CREB3L2: variants seen among roughly 807,000 people sequenced by gnomAD.
CREB3L2 encodes cyclic AMP-responsive element-binding protein 3-like protein 2.
Under a neutral mutation model 57.2 loss-of-function variants are expected in CREB3L2, and 23 were observed. The observed-to-expected ratio is 0.40, with a 90% confidence interval of 0.29 to 0.57. CREB3L2 has a LOEUF of 0.57. Ranked by LOEUF, CREB3L2 falls within the 20% of genes least tolerant of loss-of-function variation. The pLI is 0.42. For missense variants in CREB3L2, 628 were observed against 634.7 expected, an observed-to-expected ratio of 0.99 and a Z score of 0.11; for synonymous variants, 268 against 265.1, an observed-to-expected ratio of 1.01 and a Z score of -0.11.
At chr7:137,883,117 G>C (rs1373871614) in intron 10 of CREB3L2, among the ~76,000 whole-genome samples, 1 of 152,220 alleles carries the variant, frequency 6.6e-6, no homozygotes, top group Non-Finnish European at 1.5e-5. Context: ...AATCTCCTTT[G>C]TTTTGTAGGA....
chr7:137,989,432 G>T (rs10230099), intron 1 of CREB3L2, among the ~76,000 whole-genome samples: 16 of 106,010 alleles, frequency 1.5e-4, no homozygotes, highest in South Asian at 9.8e-4. Context: ...CTTTTCTCCA[G>T]TTTTTTTTTT....
chr7:137,953,949 G>C (rs1801157064), intron 1 of CREB3L2, among the ~76,000 whole-genome samples: 1 of 152,202 alleles, frequency 6.6e-6, no homozygotes, highest in Non-Finnish European at 1.5e-5. Flanking sequence ...GGGTGTGTGA[G>C]CTGTAAACCT....
intron 1 of CREB3L2, among the ~76,000 whole-genome samples, chr7:137,982,733 C>A (rs759372615): frequency 2.0e-5 from 3 of 152,156 alleles, no homozygotes; most frequent in Non-Finnish European, 4.4e-5. Flanking sequence ...ATGTCTTTAT[C>A]AGCAGCATGA....
chr7:137,955,312 T>C (rs772623134), intron 1 of CREB3L2: 2 of 1,289,158 alleles, frequency 1.6e-6, no homozygotes, highest in South Asian at 2.5e-5. Context: ...CCCTGGTGGA[T>C]TGAAGCTGGT....
chr7:137,972,708 A>AACAAAACAAAACAAACAAAC (rs1458485878), intron 1 of CREB3L2, among the ~76,000 whole-genome samples: 3 of 42,860 alleles, frequency 7.0e-5, no homozygotes, highest in Middle Eastern at 7.8e-3. Context: ...AAAAAAAAAA[A>AACAAAACAAAACAAACAAAC]AAAAATATAT....
chr7:137,943,356 T>C (rs1235908339), intron 1 of CREB3L2, among the ~76,000 whole-genome samples: 1 of 151,864 alleles, frequency 6.6e-6, no homozygotes, highest in Admixed American at 6.6e-5. Flanking sequence ...ATGGCTTCCC[T>C]TGAGGATGGC....
intron 7 of CREB3L2, among the ~76,000 whole-genome samples, chr7:137,902,546 C>T (rs913566222): frequency 6.6e-6 from 1 of 152,136 alleles, no homozygotes; most frequent in Non-Finnish European, 1.5e-5. Context: ...AATGGTGGGA[C>T]AGCATGGGAC....
chr7:137,877,999 T>C lies in CREB3L2; in HGVS notation c.*2477A>G, dbSNP rs908178317. On this transcript the variant is annotated 3_prime_UTR_variant, in exon 12 of 12. Coordinates refer to ENST00000330387, the MANE Select transcript of CREB3L2 (RefSeq NM_194071.4). ...GGCAGAGGTTTATCTAAAAGAGCAG[T>C]GATGTTGGTTCTTGGAGCCCCCTTA... is the stretch of plus-strand genomic sequence containing the variant. 8.8e-6 allele frequency: 2 copies of C among 228,142 alleles called. No individual in the cohort carries two copies. The highest frequency in any genetic ancestry group is 4.4e-5 in the African/African-American group (2 of 44,998). 14.1% of individuals were successfully genotyped at this position (228,142 alleles called of 1,614,324 possible). A position where few individuals can be genotyped will look rare whatever the true frequency, so the allele number is the denominator to read the frequency against.
chr7:137,913,352 C>T (rs1353077298), intron 3 of CREB3L2, among the ~76,000 whole-genome samples: 2 of 151,854 alleles, frequency 1.3e-5, no homozygotes, highest in Admixed American at 1.3e-4. Context: ...CAAAAAAATA[C>T]AAAAATTAGC....
chr7:137,972,708 A>AAAAAACAAAACAAAC (rs1801532514), intron 1 of CREB3L2, among the ~76,000 whole-genome samples: 3 of 42,860 alleles, frequency 7.0e-5, no homozygotes, highest in African/African-American at 3.5e-4. Flanking sequence ...AAAAAAAAAA[A>AAAAAACAAAACAAAC]AAAAATATAT....
chr7:137,930,581 G>T (rs1242601965), intron 1 of CREB3L2, among the ~76,000 whole-genome samples: 3 of 152,200 alleles, frequency 2.0e-5, no homozygotes, highest in African/African-American at 7.2e-5. Flanking sequence ...ACAGCAGAGA[G>T]GAAGCTTCTG....
At chr7:137,888,111 C>T (rs544354750) in intron 8 of CREB3L2, among the ~76,000 whole-genome samples, 3 of 152,246 alleles carry the variant, frequency 2.0e-5, no homozygotes, top group Non-Finnish European at 4.4e-5. Context: ...TGTGAGTCAT[C>T]ATGCCCAGCT....
chr7:137,893,024 T>C (rs1197141672), intron 8 of CREB3L2, among the ~76,000 whole-genome samples: 1 of 152,170 alleles, frequency 6.6e-6, no homozygotes. Context: ...TATATGTTTA[T>C]GGCCTTTTAC....
At chr7:137,898,990 G>GGAAGGAAGGAAGGAA (rs1563243826) in intron 8 of CREB3L2, among the ~76,000 whole-genome samples, 5 of 122,132 alleles carry the variant, frequency 4.1e-5, no homozygotes, top group African/African-American at 1.5e-4. Context: ...GAAGGAAGGA[G>GGAAGGAAGGAAGGAA]GGAGAAAGGA....
Position 137,876,750 on chromosome 7 carries a change from T to A in CREB3L2, c.*3726A>T, listed in dbSNP as rs1184781948. 8.6e-6 allele frequency: 2 copies of A among 232,118 alleles called. No homozygotes were observed. The highest frequency in any genetic ancestry group is 1.2e-4 in the East Asian group (2 of 16,420). 14.4% of individuals were successfully genotyped at this position (232,118 alleles called of 1,614,324 possible). A position where few individuals can be genotyped will look rare whatever the true frequency, so the allele number is the denominator to read the frequency against. Reference sequence around the variant, plus strand: ...CCAGCCCAGCAAGCAGAAGTGCTGGTGTCTTTAACCCAGGTTTCTTAAAGA... The same window carrying A: ...CCAGCCCAGCAAGCAGAAGTGCTGGAGTCTTTAACCCAGGTTTCTTAAAGA... On this transcript the variant is annotated 3_prime_UTR_variant, in exon 12 of 12. Coordinates refer to ENST00000330387, the MANE Select transcript of CREB3L2 (RefSeq NM_194071.4).
chr7:137,958,689 C>T (rs1227132334), intron 1 of CREB3L2, among the ~76,000 whole-genome samples: 1 of 152,208 alleles, frequency 6.6e-6, no homozygotes, highest in East Asian at 1.9e-4. Flanking sequence ...AGGGCAGGCC[C>T]TTTCTCCCAT....
intron 1 of CREB3L2, chr7:137,953,366 G>T: frequency 4.1e-6 from 3 of 723,516 alleles, no homozygotes; most frequent in South Asian, 3.0e-5. Context: ...CCAAATTACT[G>T]CCAGAGCCTT....
intron 1 of CREB3L2, among the ~76,000 whole-genome samples, chr7:137,966,503 G>T (rs373642414): frequency 6.6e-6 from 1 of 152,202 alleles, no homozygotes; most frequent in African/African-American, 2.4e-5. Flanking sequence ...CCACGACTCA[G>T]ATAGAAGGAA....
chr7:137,906,770 T>G (rs1799898658), intron 5 of CREB3L2, among the ~76,000 whole-genome samples: 1 of 152,174 alleles, frequency 6.6e-6, no homozygotes, highest in Non-Finnish European at 1.5e-5. Context: ...TCTCACAAGA[T>G]CTGATGGTTT....
Sources: gnomAD v4.1 joint callset for allele counts (sites outside exome capture counted in the v4.1 genomes callset) on GRCh38, gnomAD v4.1.1 for gene constraint, MANE v1.5 for transcripts, NCBI Gene and HGNC (gene_info 2026-07-23, HGNC 2026-07-21) for gene names.